Variants in PDE7B observed in about 807,000 individuals in gnomAD.
The protein encoded by PDE7B is phosphodiesterase 7B.
A neutral mutation model predicts 56.2 loss-of-function variants in PDE7B; 29 were observed. The observed-to-expected ratio is 0.52, with a 90% CI of 0.38 to 0.70. The LOEUF is 0.70. Ranked by LOEUF, PDE7B falls within the 30% of genes least tolerant of loss-of-function variation. The pLI, the probability that PDE7B is intolerant of heterozygous loss-of-function variation, is 0.00. For synonymous variants in PDE7B, 197 were observed against 196.9 expected, an observed-to-expected ratio of 1.00 and a Z score of 0.00; for missense variants, 490 against 565.0, an observed-to-expected ratio of 0.87 and a Z score of 1.35.
intron 3 of PDE7B, among the ~76,000 whole-genome samples, chr6:136,145,161 A>C (rs1778392787): frequency 6.6e-6 from 1 of 152,184 alleles, no homozygotes; most frequent in African/African-American, 2.4e-5. Flanking sequence ...GGCACATTCT[A>C]CAAGGAAGAG....
intron 2 of PDE7B, among the ~76,000 whole-genome samples, chr6:136,055,997 G>A (rs1373815149): frequency 2.0e-5 from 3 of 152,130 alleles, no homozygotes; most frequent in Non-Finnish European, 4.4e-5. Context: ...AAGTAACACC[G>A]GCTTTTTAAA....
intron 9 of PDE7B, among the ~76,000 whole-genome samples, chr6:136,177,906 T>G (rs1321847481): frequency 6.6e-6 from 1 of 152,172 alleles, no homozygotes; most frequent in Non-Finnish European, 1.5e-5. Context: ...GGAATGGATT[T>G]CATTATCAAT....
chr6:136,125,894 C>G (rs1460847618), intron 3 of PDE7B, among the ~76,000 whole-genome samples: 1 of 152,074 alleles, frequency 6.6e-6, no homozygotes, highest in Non-Finnish European at 1.5e-5. Context: ...CTTTTTATAG[C>G]ACATTTTATA....
At chr6:136,014,156 G>A (rs779153101) in intron 2 of PDE7B, among the ~76,000 whole-genome samples, 14 of 152,188 alleles carry the variant, frequency 9.2e-5, no homozygotes, top group Admixed American at 3.3e-4. Context: ...TATTTATTGA[G>A]ATTATTTTCA....
At chr6:135,881,036 A>G (rs1214044229) in intron 1 of PDE7B, among the ~76,000 whole-genome samples, 1 of 152,158 alleles carries the variant, frequency 6.6e-6, no homozygotes, top group African/African-American at 2.4e-5. Context: ...CAGTCAGTGT[A>G]TTTCAGAGCC....
chr6:136,141,100 G>A (rs952299477), intron 3 of PDE7B, among the ~76,000 whole-genome samples: 4 of 152,156 alleles, frequency 2.6e-5, no homozygotes, highest in African/African-American at 9.7e-5. Context: ...TTAGCTGTGG[G>A]TTTGTCATAG....
chr6:135,868,151 T>C (rs1437733690), intron 1 of PDE7B, among the ~76,000 whole-genome samples: 1 of 151,320 alleles, frequency 6.6e-6, no homozygotes, highest in Non-Finnish European at 1.5e-5. Flanking sequence ...TCCAAAGAGG[T>C]CTCACAACAT....
chr6:135,982,948 C>T (rs1775320304), intron 2 of PDE7B, among the ~76,000 whole-genome samples: 1 of 152,148 alleles, frequency 6.6e-6, no homozygotes, highest in Non-Finnish European at 1.5e-5. Context: ...CAGAAGAACT[C>T]CCAGTCTCTG....
intron 1 of PDE7B, among the ~76,000 whole-genome samples, chr6:135,854,434 C>G (rs1774989510): frequency 6.6e-6 from 1 of 152,160 alleles, no homozygotes; most frequent in Non-Finnish European, 1.5e-5. Flanking sequence ...TACAGAAATT[C>G]TTATCTGAAT....
chr6:135,925,130 A>G (rs1774161458), intron 1 of PDE7B, among the ~76,000 whole-genome samples: 1 of 152,038 alleles, frequency 6.6e-6, no homozygotes, highest in Non-Finnish European at 1.5e-5. Context: ...ACAGAAGCTG[A>G]AAGAAAAGAA....
rs60499605 is a variant in PDE7B at position 135,974,330 on chromosome 6, GTA to G, written c.82+26818_82+26819del. Reference sequence around the variant, plus strand: ...CTTATAAATGTGTGTATGTGTGTGTGTATATATATATATGTACATATATAAAA... The same window carrying G: ...CTTATAAATGTGTGTATGTGTGTGTGTATATATATATGTACATATATAAAA... On this transcript the variant is annotated intron_variant, in intron 2 of 12. Coordinates refer to ENST00000308191, the MANE Select transcript of PDE7B (RefSeq NM_018945.4). Among the ~76,000 whole-genome samples, 43 of 150,676 alleles carry G rather than the reference GTA, an allele frequency of 2.9e-4. 1 individual carries two copies. Among genetic ancestry groups the G allele is most frequent in the African/African-American group, 9.7e-4 (40 of 41,124 alleles).
intron 2 of PDE7B, among the ~76,000 whole-genome samples, chr6:136,060,729 G>T (rs915350660): frequency 3.3e-5 from 5 of 152,104 alleles, no homozygotes; most frequent in African/African-American, 1.2e-4. Context: ...AAATAAGAAG[G>T]CTTTGTACAG....
At chr6:136,007,530 T>C (rs143999792) in intron 2 of PDE7B, among the ~76,000 whole-genome samples, 1 of 152,096 alleles carries the variant, frequency 6.6e-6, no homozygotes, top group African/African-American at 2.4e-5. Context: ...TTACTTAATC[T>C]CTCCTAATCT....
At chr6:136,092,376 GA>G (rs1777402797) in intron 2 of PDE7B, among the ~76,000 whole-genome samples, 1 of 152,182 alleles carries the variant, frequency 6.6e-6, no homozygotes, top group African/African-American at 2.4e-5. Flanking sequence ...GTGGAATTAT[GA>G]AGAGTGAGAA....
chr6:136,049,997 G>A (rs1776596573), intron 2 of PDE7B, among the ~76,000 whole-genome samples: 1 of 151,926 alleles, frequency 6.6e-6, no homozygotes, highest in African/African-American at 2.4e-5. Flanking sequence ...AACATATGTG[G>A]GGCACAGAGC....
At position 135,947,461 on chromosome 6, in the gene PDE7B, C is replaced by T. The variant is rs537171242; in HGVS notation, c.22-3C>T. On this transcript the variant is annotated splice_region_variant and splice_polypyrimidine_tract_variant and intron_variant, in intron 1 of 12. Coordinates refer to ENST00000308191, the MANE Select transcript of PDE7B (RefSeq NM_018945.4). The stretch of plus-strand genomic sequence containing the variant: ...AATAACCTTGGCTATCTTTCTATTT[C>T]AGAGGTGTGGCGAAATCTTGTTTGA... The T allele has an allele frequency of 9.3e-6, 15 of 1,608,626 alleles. No individual in the cohort carries two copies. The highest frequency in any genetic ancestry group is 1.3e-5 in the Non-Finnish European group (15 of 1,175,290).
At chr6:135,861,981 G>A (rs1368831081) in intron 1 of PDE7B, among the ~76,000 whole-genome samples, 5 of 151,794 alleles carry the variant, frequency 3.3e-5, no homozygotes, top group African/African-American at 1.2e-4. Context: ...CAGCAACCTT[G>A]CAAAACTCAC....
At chr6:135,944,595 C>A (rs1015170150) in intron 1 of PDE7B, among the ~76,000 whole-genome samples, 1 of 152,158 alleles carries the variant, frequency 6.6e-6, no homozygotes, top group Non-Finnish European at 1.5e-5. Flanking sequence ...GGCCACCACA[C>A]CTGTTCTTGC....
chr6:135,915,680 G>T (rs1278907686), intron 1 of PDE7B, among the ~76,000 whole-genome samples: 2 of 152,142 alleles, frequency 1.3e-5, no homozygotes, highest in Non-Finnish European at 2.9e-5. Context: ...CAGGCCCCCG[G>T]AAATCGCTCT....
Sources: allele counts gnomAD v4.1 joint callset (sites outside exome capture counted in the v4.1 genomes callset), GRCh38; gene constraint gnomAD v4.1.1; transcripts MANE v1.5; gene names NCBI Gene and HGNC (gene_info 2026-07-23, HGNC 2026-07-21).